Variants in LARP1B observed in about 807,000 individuals in gnomAD.
LARP1B encodes the protein la-related protein 1B.
Under a neutral mutation model 114.2 loss-of-function variants are expected in LARP1B, and 76 were observed. The observed-to-expected ratio is 0.67, with a 90% CI of 0.55 to 0.81. The LOEUF is 0.81. Ranked by LOEUF, LARP1B falls within the 30% of genes least tolerant of loss-of-function variation. The pLI, the probability that LARP1B is intolerant of heterozygous loss-of-function variation, is 0.00. For missense variants in LARP1B, 1,014 were observed against 1,075.8 expected, an observed-to-expected ratio of 0.94 and a Z score of 0.80; for synonymous variants, 345 against 348.0, an observed-to-expected ratio of 0.99 and a Z score of 0.10.
At chr4:128,214,645 A>C (rs1180828767), downstream of LARP1B, among the ~76,000 whole-genome samples, 1 of 106,736 alleles carries the variant, frequency 9.4e-6, no homozygotes, top group Non-Finnish European at 1.9e-5. Context: ...CCATCTGTAC[A>C]TCACCATCAT....
At chr4:128,193,282 A>G (rs1752878594) in intron 15 of LARP1B, among the ~76,000 whole-genome samples, 1 of 152,200 alleles carries the variant, frequency 6.6e-6, no homozygotes, top group African/African-American at 2.4e-5. Flanking sequence ...TCCTTCATAT[A>G]TATCTATTAA....
At chr4:128,137,675 T>C (rs1725968742) in intron 11 of LARP1B, among the ~76,000 whole-genome samples, 1 of 151,754 alleles carries the variant, frequency 6.6e-6, no homozygotes, top group South Asian at 2.1e-4. Context: ...AATTTATATA[T>C]CTATCACCTC....
chr4:128,222,208 G>T, intron 7 of LARP1B: 1 of 406,730 alleles, frequency 2.5e-6, no homozygotes, highest in South Asian at 1.8e-5. Flanking sequence ...GAGTTGCTTA[G>T]ATGCCGTTAT....
intron 9 of LARP1B, among the ~76,000 whole-genome samples, chr4:128,110,373 C>G (rs1223611529): frequency 6.6e-6 from 1 of 151,022 alleles, no homozygotes; most frequent in East Asian, 1.9e-4. Flanking sequence ...TTACTATTAC[C>G]CTTAATCCGT....
intron 12 of LARP1B, among the ~76,000 whole-genome samples, chr4:128,172,617 C>T (rs927477292): frequency 5.3e-5 from 8 of 151,802 alleles, no homozygotes; most frequent in African/African-American, 1.7e-4. Flanking sequence ...CACTTGAACC[C>T]GGGAGGTAGA....
At chr4:128,206,723 T>G in intron 18 of LARP1B, 186 bp downstream of exon 18, 2 of 985,340 alleles carry the variant, frequency 2.0e-6, no homozygotes, top group Non-Finnish European at 2.4e-6. Context: ...TGGGAGGTGT[T>G]GGAAAGTAAC....
At chr4:128,198,782 A>C (rs1337277273) in intron 15 of LARP1B, among the ~76,000 whole-genome samples, 1 of 152,216 alleles carries the variant, frequency 6.6e-6, no homozygotes, top group Non-Finnish European at 1.5e-5. Flanking sequence ...GGACACTTGG[A>C]AAAACAAAGA....
chr4:128,061,052 C>G (rs1759946875), upstream of LARP1B, among the ~76,000 whole-genome samples: 1 of 152,012 alleles, frequency 6.6e-6, no homozygotes, highest in Non-Finnish European at 1.5e-5. Flanking sequence ...CTGGTGCGCG[C>G]TCCGCCCCTG....
At chr4:128,186,480 G>GTT (rs74990890) in intron 15 of LARP1B, among the ~76,000 whole-genome samples, 2 of 152,004 alleles carry the variant, frequency 1.3e-5, no homozygotes, top group East Asian at 3.9e-4. Context: ...AAATGCTACT[G>GTT]TTTTTTTGTA....
chr4:128,137,282 A>G (rs929297647), intron 11 of LARP1B, among the ~76,000 whole-genome samples: 3 of 152,128 alleles, frequency 2.0e-5, no homozygotes, highest in African/African-American at 4.8e-5. Flanking sequence ...GAGCAAAAGC[A>G]TCTCATTCAT....
At chr4:128,085,380 A>G (rs75720449) in intron 5 of LARP1B, among the ~76,000 whole-genome samples, 1 of 116,332 alleles carries the variant, frequency 8.6e-6, no homozygotes. Context: ...TTTTTTTTAA[A>G]TAAGTGATGG....
chr4:128,139,665 C>A (rs1007125275), intron 11 of LARP1B, among the ~76,000 whole-genome samples: 12 of 151,584 alleles, frequency 7.9e-5, no homozygotes, highest in African/African-American at 2.9e-4. Flanking sequence ...CACACACACA[C>A]ACACACAAAA....
chr4:128,122,450 T>G (rs573950450), intron 11 of LARP1B: 347 of 1,512,372 alleles, frequency 2.3e-4, no homozygotes, highest in Non-Finnish European at 2.8e-4. Context: ...TTTTTTTTTT[T>G]TTTGTTTTGT....
intron 9 of LARP1B, among the ~76,000 whole-genome samples, chr4:128,112,107 G>A (rs1784319590): frequency 6.6e-6 from 1 of 152,004 alleles, no homozygotes. Flanking sequence ...TCCAAAGCTT[G>A]TATTTCACTT....
At chr4:128,196,788 C>A (rs1448494018) in intron 15 of LARP1B, among the ~76,000 whole-genome samples, 1 of 151,854 alleles carries the variant, frequency 6.6e-6, no homozygotes, top group Non-Finnish European at 1.5e-5. Flanking sequence ...GGATTCTCAA[C>A]AAAAGACTGG....
upstream of LARP1B, among the ~76,000 whole-genome samples, chr4:128,061,015 C>A (rs1759940709): frequency 6.6e-6 from 1 of 151,810 alleles, no homozygotes; most frequent in Admixed American, 6.6e-5. Context: ...GGGGGCAGGC[C>A]GCGAGCCAGC....
intron 15 of LARP1B, among the ~76,000 whole-genome samples, chr4:128,184,414 A>G (rs548085568): frequency 6.6e-6 from 1 of 152,202 alleles, no homozygotes; most frequent in Non-Finnish European, 1.5e-5. Context: ...TAGCATTTTT[A>G]GCAATACAGT....
chr4:128,111,133 G>A (rs1044438331), intron 9 of LARP1B, among the ~76,000 whole-genome samples: 5 of 150,598 alleles, frequency 3.3e-5, no homozygotes, highest in Admixed American at 1.3e-4. Context: ...TGCAGACTCC[G>A]CCTCCCAGGT....
At chr4:128,184,915 T>G (rs1749779854) in intron 15 of LARP1B, among the ~76,000 whole-genome samples, 1 of 152,222 alleles carries the variant, frequency 6.6e-6, no homozygotes, top group Admixed American at 6.5e-5. Flanking sequence ...GACATAATTC[T>G]TTTTTATGGC....
Sources: allele counts gnomAD v4.1 joint callset (sites outside exome capture counted in the v4.1 genomes callset), GRCh38; gene constraint gnomAD v4.1.1; transcripts MANE v1.5; gene names NCBI Gene and HGNC (gene_info 2026-07-23, HGNC 2026-07-21).